The following ATP2C2 variants were observed in gnomAD, a reference collection of about 807,000 sequenced individuals.
ATP2C2 encodes the protein ATPase secretory pathway Ca2+ transporting 2, also known as calcium-transporting ATPase type 2C member 2.
ATP2C2 carries 171 observed loss-of-function variants against 110.8 expected under a neutral mutation model. That is an observed-to-expected ratio of 1.54 (90% CI 1.36 to 1.75). The LOEUF is 1.75. ATP2C2 is among the 40% of genes most tolerant of loss of function. The pLI, the probability that ATP2C2 is intolerant of heterozygous loss-of-function variation, is 0.00. For missense variants in ATP2C2, 1,963 were observed against 1,235.0 expected, an observed-to-expected ratio of 1.59 and a Z score of -8.84; for synonymous variants, 804 against 508.4, an observed-to-expected ratio of 1.58 and a Z score of -7.82.
At chr16:84,432,616 G>A (rs1789884509) in intron 11 of ATP2C2, among the ~76,000 whole-genome samples, 1 of 152,056 alleles carries the variant, frequency 6.6e-6, no homozygotes, top group African/African-American at 2.4e-5. Context: ...CATCTCCTGG[G>A]TTCAAACTAT....
chr16:84,368,694 A>G lies in ATP2C2; in HGVS notation c.79A>G (p.Lys27Glu). The change falls in exon 1 of 27, where the codon AAG (lysine) becomes GAG (glutamate). Residue 27 changes from lysine (K) to glutamate (E), a missense_variant. Physicochemically the swap from Lys to Glu is moderately conservative, Grantham distance 56. Transcript: ENST00000262429. ...GGGRQYQALE[K>E]DEEEALIDEQ... ...GGGCCGCCAGTACCAGGCGCTGGAGAAGGACGAAGAGGAAGCCTTGGTGAG... is the reference window on the plus strand; with the variant it reads ...GGGCCGCCAGTACCAGGCGCTGGAGGAGGACGAAGAGGAAGCCTTGGTGAG... 6.5e-7 allele frequency: 1 copy of G among 1,549,952 alleles called. No individual in the cohort carries two copies. Among genetic ancestry groups the G allele is most frequent in the Non-Finnish European group, 8.7e-7 (1 of 1,151,022 alleles).
At chr16:84,417,022 T>C (rs1350602532) in intron 7 of ATP2C2, among the ~76,000 whole-genome samples, 1 of 152,110 alleles carries the variant, frequency 6.6e-6, no homozygotes, top group East Asian at 1.9e-4. Context: ...GTATGAGAGG[T>C]GGCCAATGAC....
chr16:84,423,805 C>G (rs1204841390), intron 10 of ATP2C2, among the ~76,000 whole-genome samples: 1 of 152,208 alleles, frequency 6.6e-6, no homozygotes, highest in Non-Finnish European at 1.5e-5. Context: ...TGTAGTTTAT[C>G]TGTGCACCCA....
intron 16 of ATP2C2, among the ~76,000 whole-genome samples, chr16:84,447,819 AT>A (rs2150576942): frequency 7.0e-6 from 1 of 142,190 alleles, no homozygotes. Flanking sequence ...ATGTACTATA[AT>A]TAATGTATTA....
chr16:84,403,906 C>T lies in ATP2C2; in HGVS notation c.211-1222C>T, dbSNP rs1033191200. Among the ~76,000 whole-genome samples, 4 of 152,142 alleles carry T rather than the reference C, an allele frequency of 2.6e-5. No homozygotes were observed. In the East Asian group the frequency reaches 7.7e-4, roughly 29 times the overall value. On this transcript the variant is annotated intron_variant, in intron 2 of 26. Coordinates refer to ENST00000262429, the MANE Select transcript of ATP2C2 (RefSeq NM_014861.4). ...GGCTTTTGCCATGTTGACAAGGCTG[C>T]TCTCGAACTCCCGACCTCAGGTGAT...
intron 15 of ATP2C2, among the ~76,000 whole-genome samples, chr16:84,443,844 T>C (rs968628784): frequency 4.6e-5 from 7 of 152,054 alleles, no homozygotes; most frequent in African/African-American, 1.7e-4. Context: ...CCCGTGTTGG[T>C]AGATCAGGTG....
rs58934576 is a variant in ATP2C2 at position 84,397,655 on chromosome 16, C to CAAAAAAAAAAAAAAAAAAAAAAAAAAAAA, written c.100-826_100-825insAAAAAAAAAAAAAAAAAAAAAAAAAAAAA. Among the ~76,000 whole-genome samples the CAAAAAAAAAAAAAAAAAAAAAAAAAAAAA allele has an allele frequency of 1.2e-3, 75 of 63,488 alleles. 8 individuals are homozygous for CAAAAAAAAAAAAAAAAAAAAAAAAAAAAA. Among genetic ancestry groups the CAAAAAAAAAAAAAAAAAAAAAAAAAAAAA allele is most frequent in the Admixed American group, 1.7e-3 (7 of 4,138 alleles). 41.7% of individuals were successfully genotyped at this position (63,488 alleles called of 152,430 possible). A position where few individuals can be genotyped will look rare whatever the true frequency, so the allele number is the denominator to read the frequency against. On this transcript the variant is annotated intron_variant, in intron 1 of 26. Coordinates refer to ENST00000262429, the MANE Select transcript of ATP2C2 (RefSeq NM_014861.4). ...CACCACTGCACTCCAGCCTGGGTGA[C>CAAAAAAAAAAAAAAAAAAAAAAAAAAAAA]AAAAAAAAAAAAAAAAAACTTGCTT...
intron 9 of ATP2C2, 91 bp downstream of exon 9, chr16:84,422,788 A>C: frequency 2.3e-6 from 3 of 1,322,360 alleles, no homozygotes; most frequent in Non-Finnish European, 3.1e-6. Flanking sequence ...ACTCCTTAGG[A>C]ATGAGTGGCA....
chr16:84,396,487 T>G lies in ATP2C2; in HGVS notation c.100-2012T>G, dbSNP rs59699332. On this transcript the variant is annotated intron_variant, in intron 1 of 26. Coordinates refer to ENST00000262429, the MANE Select transcript of ATP2C2 (RefSeq NM_014861.4). ...CTCGCTTGAACCCGGGAGGAGGAGG[T>G]TGTAGTGAGCCGAGGTCGCACCACT... 5.5e-3 allele frequency among the ~76,000 whole-genome samples: 767 copies of G among 139,394 alleles called. 17 individuals are homozygous for G. The highest frequency in any genetic ancestry group is 0.047 in the Admixed American group (629 of 13,414). The allele number at this position is 139,394 out of a possible 152,430, so 91.4% of individuals were successfully genotyped here.
chr16:84,421,216 C>T (rs1196476460), intron 7 of ATP2C2, among the ~76,000 whole-genome samples: 2 of 152,160 alleles, frequency 1.3e-5, no homozygotes, highest in African/African-American at 2.4e-5. Flanking sequence ...CTTCATTGTC[C>T]AGAGCTGGAG....
intron 1 of ATP2C2, among the ~76,000 whole-genome samples, chr16:84,387,210 C>G (rs1183652550): frequency 6.6e-6 from 1 of 152,184 alleles, no homozygotes; most frequent in African/African-American, 2.4e-5. Context: ...TGAATGGTCA[C>G]AGCAGTGTCC....
At chr16:84,446,548 C>T (rs1336016059) in intron 16 of ATP2C2, 118 bp downstream of exon 16, 2 of 613,158 alleles carry the variant, frequency 3.3e-6, no homozygotes, top group African/African-American at 1.9e-5. Flanking sequence ...CTGTGACGTT[C>T]CAAATACATG....
At chr16:84,448,166 A>C (rs1215386858) in intron 16 of ATP2C2, among the ~76,000 whole-genome samples, 1 of 152,178 alleles carries the variant, frequency 6.6e-6, no homozygotes, top group Non-Finnish European at 1.5e-5. Context: ...GGGAGGCAAC[A>C]GTCTAATGGA....
At chr16:84,444,859 C>G (rs961065646) in intron 15 of ATP2C2, among the ~76,000 whole-genome samples, 1 of 152,232 alleles carries the variant, frequency 6.6e-6, no homozygotes, top group African/African-American at 2.4e-5. Flanking sequence ...ATGGGGCAAG[C>G]ACTTTGTGGT....
At chr16:84,397,829 T>G (rs763935524) in intron 1 of ATP2C2, among the ~76,000 whole-genome samples, 11 of 151,802 alleles carry the variant, frequency 7.2e-5, no homozygotes, top group Non-Finnish European at 1.6e-4. Flanking sequence ...GCATTCTCAC[T>G]TGTATAAATC....
At chr16:84,383,767 TGGGG>T (rs1910727829) in intron 1 of ATP2C2, among the ~76,000 whole-genome samples, 2 of 92,336 alleles carry the variant, frequency 2.2e-5, no homozygotes, top group African/African-American at 3.0e-5. Context: ...GTGTTGGGGG[TGGGG>T]GTGTTGGTTT....
chr16:84,383,733 A>ATTTGTGTGTGTGTGTGTGTGTGTGTG, intron 1 of ATP2C2, among the ~76,000 whole-genome samples: 1 of 110,648 alleles, frequency 9.0e-6, no homozygotes, highest in Non-Finnish European at 2.2e-5. Context: ...TTCTGAATAC[A>ATTTGTGTGTGTGTGTGTGTGTGTGTG]TCTGTGTGTG....
At chr16:84,446,733 C>T (rs1173357288) in intron 16 of ATP2C2, among the ~76,000 whole-genome samples, 1 of 152,140 alleles carries the variant, frequency 6.6e-6, no homozygotes, top group East Asian at 1.9e-4. Flanking sequence ...GTCGAAGGGT[C>T]CAGGGGTGGG....
chr16:84,370,144 A>ATTCC (rs61583238), intron 1 of ATP2C2, among the ~76,000 whole-genome samples: 39,406 of 151,818 alleles, frequency 0.26, 6,347 homozygotes, highest in East Asian at 0.47. Context: ...ATGCAGGTGC[A>ATTCC]TGGATGATGT....
Sources: allele counts gnomAD v4.1 joint callset (sites outside exome capture counted in the v4.1 genomes callset), GRCh38; gene constraint gnomAD v4.1.1; transcripts MANE v1.5; gene names NCBI Gene and HGNC (gene_info 2026-07-23, HGNC 2026-07-21).